PSMA5: variants seen among roughly 807,000 people sequenced by gnomAD.
PSMA5 encodes the protein proteasome subunit alpha type-5.
PSMA5 carries 3 observed loss-of-function variants against 34.5 expected under a neutral mutation model. That is an observed-to-expected ratio of 0.09 (90% CI 0.04 to 0.22). PSMA5 has a LOEUF of 0.22. Ranked by LOEUF, PSMA5 falls within the 10% of genes least tolerant of loss-of-function variation. The pLI is 1.00. For synonymous variants in PSMA5, 88 were observed against 95.8 expected, an observed-to-expected ratio of 0.92 and a Z score of 0.47; for missense variants, 120 against 286.1, an observed-to-expected ratio of 0.42 and a Z score of 4.19.
At chr1:109,419,466 G>A (rs993351104) in intron 2 of PSMA5, among the ~76,000 whole-genome samples, 2 of 152,072 alleles carry the variant, frequency 1.3e-5, no homozygotes, top group East Asian at 1.9e-4. Context: ...TCAGGAGCTC[G>A]AGACCAGCCT....
At chr1:109,412,425 A>C (rs1277066616) in intron 4 of PSMA5, 1 of 431,554 alleles carries the variant, frequency 2.3e-6, no homozygotes, top group African/African-American at 2.0e-5. Flanking sequence ...CTTGAAAAAG[A>C]GGGTTATGCC....
At chr1:109,422,078 T>C (rs1035934561) in intron 1 of PSMA5, 152 bp from the exon 2 acceptor site, 5 of 517,402 alleles carry the variant, frequency 9.7e-6, no homozygotes, top group African/African-American at 6.1e-5. Flanking sequence ...TAGCATTTTT[T>C]TGTACATTAA....
chr1:109,399,938 G>A lies in PSMA5; in HGVS notation c.*2075C>T, dbSNP rs1298719447. The A allele has an allele frequency of 6.6e-6, 1 of 152,102 alleles. No homozygotes were observed. Among genetic ancestry groups the A allele is most frequent in the African/African-American group, 2.4e-5 (1 of 41,392 alleles). 9.4% of individuals were successfully genotyped at this position (152,102 alleles called of 1,614,324 possible). A position where few individuals can be genotyped will look rare whatever the true frequency, so the allele number is the denominator to read the frequency against. On this transcript the variant is annotated 3_prime_UTR_variant, in exon 9 of 9. Coordinates refer to ENST00000271308, the MANE Select transcript of PSMA5 (RefSeq NM_002790.4). ...TACTAAAAACCGTACCTTTCTCCAG[G>A]AAACATTCTATAGCAGAAAGATAAC...
intron 1 of PSMA5, among the ~76,000 whole-genome samples, chr1:109,423,054 A>C (rs1020972405): frequency 1.3e-5 from 2 of 152,258 alleles, no homozygotes; most frequent in Non-Finnish European, 2.9e-5. Flanking sequence ...TGAGCACACA[A>C]TGGACACAAA....
At chr1:109,417,968 A>G (rs1483953140) in intron 2 of PSMA5, among the ~76,000 whole-genome samples, 1 of 152,174 alleles carries the variant, frequency 6.6e-6, no homozygotes, top group Non-Finnish European at 1.5e-5. Context: ...TCATGCCTAT[A>G]ATCACAACAC....
chr1:109,425,114 G>A (rs1654602401), intron 1 of PSMA5, among the ~76,000 whole-genome samples: 1 of 152,308 alleles, frequency 6.6e-6, no homozygotes, highest in Middle Eastern at 3.4e-3. Flanking sequence ...GCTTGATTTT[G>A]TCCATTGCTG....
intron 8 of PSMA5, among the ~76,000 whole-genome samples, chr1:109,403,078 C>A (rs113418289): frequency 2.6e-5 from 4 of 152,230 alleles, no homozygotes; most frequent in Non-Finnish European, 4.4e-5. Flanking sequence ...GTTGTGACTG[C>A]TGAAGATATC....
At chr1:109,406,770 TGA>T in intron 8 of PSMA5, among the ~76,000 whole-genome samples, 1 of 152,242 alleles carries the variant, frequency 6.6e-6, no homozygotes, top group South Asian at 2.1e-4. Context: ...CAAAGGGACA[TGA>T]GAGAACTTTT....
intron 2 of PSMA5, 58 bp downstream of exon 2, chr1:109,421,802 G>C: frequency 7.3e-7 from 1 of 1,364,496 alleles, no homozygotes; most frequent in Non-Finnish European, 1.0e-6. Flanking sequence ...CAAGTGTTCT[G>C]CCAGCAAAAT....
At chr1:109,407,043 C>T (rs1024865521) in intron 8 of PSMA5, among the ~76,000 whole-genome samples, 2 of 152,074 alleles carry the variant, frequency 1.3e-5, no homozygotes, top group African/African-American at 4.8e-5. Flanking sequence ...AGTGCAGTGG[C>T]GCGGCATGAT....
intron 2 of PSMA5, among the ~76,000 whole-genome samples, chr1:109,420,315 G>A (rs539909742): frequency 1.3e-5 from 2 of 152,296 alleles, no homozygotes; most frequent in South Asian, 4.1e-4. Context: ...GAGTAGGGGT[G>A]TGGGGTTAGG....
chr1:109,410,524 T>C (rs1653948835), intron 7 of PSMA5, among the ~76,000 whole-genome samples: 1 of 152,208 alleles, frequency 6.6e-6, no homozygotes. Flanking sequence ...ATCACACCAA[T>C]GAGTTACCCA....
intron 2 of PSMA5, among the ~76,000 whole-genome samples, chr1:109,420,057 T>C (rs1039231575): frequency 6.6e-6 from 1 of 152,032 alleles, no homozygotes; most frequent in African/African-American, 2.4e-5. Context: ...TGGAGAGACT[T>C]TGGAATGCAT....
At chr1:109,409,793 A>T (rs996400941) in intron 8 of PSMA5, 135 bp downstream of exon 8, 4 of 620,126 alleles carry the variant, frequency 6.5e-6, no homozygotes, top group African/African-American at 1.9e-5. Context: ...GTGCACCTGT[A>T]GTCCCAGCTA....
intron 2 of PSMA5, among the ~76,000 whole-genome samples, chr1:109,416,990 A>G (rs868236200): frequency 6.6e-6 from 1 of 152,202 alleles, no homozygotes; most frequent in African/African-American, 2.4e-5. Context: ...CTGTACTCCC[A>G]GCTACGCGGA....
At chr1:109,419,457 C>T (rs2100971404) in intron 2 of PSMA5, among the ~76,000 whole-genome samples, 1 of 152,076 alleles carries the variant, frequency 6.6e-6, no homozygotes, top group African/African-American at 2.4e-5. Flanking sequence ...CACTTGAGCT[C>T]AGGAGCTCGA....
Position 109,402,799 on chromosome 1 carries a change from G to A in PSMA5, c.649-709C>T, listed in dbSNP as rs113464646. 2.1e-3 allele frequency among the ~76,000 whole-genome samples: 326 copies of A among 152,218 alleles called. 1 individual carries two copies. The highest frequency in any genetic ancestry group is 3.3e-3 in the South Asian group (16 of 4,822). On this transcript the variant is annotated intron_variant, in intron 8 of 8. Coordinates refer to ENST00000271308, the MANE Select transcript of PSMA5 (RefSeq NM_002790.4). ...AGGCTCACCGCAACCTCCGCCTCCC[G>A]GGTTCAAGCGATTCTCCTGCCTCAG...
chr1:109,412,024 T>C, intron 5 of PSMA5, 53 bp downstream of exon 5: 1 of 1,584,430 alleles, frequency 6.3e-7, no homozygotes, highest in South Asian at 1.1e-5. Flanking sequence ...ACAGGACAAA[T>C]GTCCTAAGTC....
intron 6 of PSMA5, 40 bp from the exon 7 acceptor site, chr1:109,411,153 T>A (rs1343012396): frequency 6.9e-7 from 1 of 1,441,038 alleles, no homozygotes; most frequent in Admixed American, 1.8e-5. Context: ...TGCTCAGGAG[T>A]GGTGGCACTT....
Sources: allele counts gnomAD v4.1 joint callset (sites outside exome capture counted in the v4.1 genomes callset), GRCh38; gene constraint gnomAD v4.1.1; transcripts MANE v1.5; gene names NCBI Gene and HGNC (gene_info 2026-07-23, HGNC 2026-07-21).